The following ZNF804B variants were observed in gnomAD, a reference collection of about 807,000 sequenced individuals.
ZNF804B encodes zinc finger protein 804B.
In ZNF804B, 80 loss-of-function variants were observed where a neutral mutation model predicts 101.4. The observed-to-expected ratio is 0.79, with a 90% CI of 0.66 to 0.95. ZNF804B has a LOEUF of 0.95. Among genes scored for constraint, ZNF804B ranks in the 40% least tolerant of loss-of-function variants. The pLI, the probability that ZNF804B is intolerant of heterozygous loss-of-function variation, is 0.00. For missense variants in ZNF804B, 1,673 were observed against 1,561.9 expected (o/e 1.07, Z -1.20); for synonymous variants, 622 against 558.8 (o/e 1.11, Z -1.59).
chr7:88,991,627 C>T (rs1010544143), intron 1 of ZNF804B, among the ~76,000 whole-genome samples: 2 of 152,176 alleles, frequency 1.3e-5, no homozygotes, highest in African/African-American at 2.4e-5. Flanking sequence ...TACTCTCTGC[C>T]TGTGGGGTAG....
chr7:89,316,223 C>G (rs886700142), intron 2 of ZNF804B, among the ~76,000 whole-genome samples: 18 of 151,966 alleles, frequency 1.2e-4, no homozygotes, highest in Admixed American at 7.9e-4. Context: ...TGTGTTCTTC[C>G]TAACATTATG....
At chr7:88,778,072 A>G (rs1012629530) in intron 1 of ZNF804B, among the ~76,000 whole-genome samples, 1 of 152,140 alleles carries the variant, frequency 6.6e-6, no homozygotes, top group African/African-American at 2.4e-5. Flanking sequence ...TTATTTTGCC[A>G]TTCTGTGGGT....
At chr7:89,096,088 G>A in intron 1 of ZNF804B, among the ~76,000 whole-genome samples, 1 of 151,826 alleles carries the variant, frequency 6.6e-6, no homozygotes, top group East Asian at 1.9e-4. Context: ...CCAGGAGGCG[G>A]AGCTTGCAGT....
chr7:89,047,189 T>C (rs1485601980), intron 1 of ZNF804B, among the ~76,000 whole-genome samples: 1 of 152,154 alleles, frequency 6.6e-6, no homozygotes, highest in African/African-American at 2.4e-5. Flanking sequence ...GCAAACATCG[T>C]CATTGTAGTA....
chr7:89,212,314 T>C (rs1309904615), intron 1 of ZNF804B, among the ~76,000 whole-genome samples: 1 of 149,504 alleles, frequency 6.7e-6, no homozygotes, highest in African/African-American at 2.5e-5. Context: ...CATCCAAACA[T>C]TGAGTACCTA....
chr7:89,108,593 A>C (rs1790170081), intron 1 of ZNF804B, among the ~76,000 whole-genome samples: 1 of 152,182 alleles, frequency 6.6e-6, no homozygotes, highest in Non-Finnish European at 1.5e-5. Flanking sequence ...TACAGTAGCA[A>C]TGCAACACGT....
intron 1 of ZNF804B, among the ~76,000 whole-genome samples, chr7:88,933,439 C>A (rs1118616): frequency 0.27 from 40,939 of 151,434 alleles, 5,907 homozygotes; most frequent in South Asian, 0.38. Context: ...TCATAGGCAG[C>A]GCAATCAAAC....
intron 1 of ZNF804B, among the ~76,000 whole-genome samples, chr7:89,216,137 C>T (rs1788891616): frequency 1.3e-5 from 2 of 151,892 alleles, no homozygotes; most frequent in Non-Finnish European, 2.9e-5. Context: ...AACCCCGTCT[C>T]TACTAAAAAT....
intron 1 of ZNF804B, among the ~76,000 whole-genome samples, chr7:89,160,124 T>A (rs1046544519): frequency 6.6e-6 from 1 of 152,202 alleles, no homozygotes; most frequent in African/African-American, 2.4e-5. Context: ...TTGTTAAACA[T>A]ACTTCAGAGG....
chr7:88,841,070 AC>A (rs1791286182), intron 1 of ZNF804B, among the ~76,000 whole-genome samples: 1 of 152,194 alleles, frequency 6.6e-6, no homozygotes, highest in Admixed American at 6.6e-5. Context: ...TTAACTTCAC[AC>A]TTAGATAGGA....
intron 2 of ZNF804B, among the ~76,000 whole-genome samples, chr7:89,286,801 A>G (rs1790205511): frequency 6.6e-6 from 1 of 152,224 alleles, no homozygotes; most frequent in South Asian, 2.1e-4. Flanking sequence ...ACTAAAGAAA[A>G]TGGCAGAAAT....
intron 2 of ZNF804B, among the ~76,000 whole-genome samples, chr7:89,277,923 A>G (rs1166259784): frequency 1.3e-5 from 2 of 152,160 alleles, no homozygotes; most frequent in African/African-American, 4.8e-5. Flanking sequence ...AAGAGTCGCC[A>G]CACTGACTTC....
chr7:88,912,989 A>G (rs1361881418), intron 1 of ZNF804B, among the ~76,000 whole-genome samples: 1 of 152,210 alleles, frequency 6.6e-6, no homozygotes, highest in African/African-American at 2.4e-5. Flanking sequence ...TTGCATTTAG[A>G]TTGTTTTCGA....
intron 1 of ZNF804B, among the ~76,000 whole-genome samples, chr7:88,793,552 A>G (rs967654704): frequency 2.6e-5 from 4 of 152,114 alleles, no homozygotes; most frequent in African/African-American, 9.7e-5. Flanking sequence ...TCTTGATTAT[A>G]TAGGCCAGAA....
intron 1 of ZNF804B, among the ~76,000 whole-genome samples, chr7:88,773,803 G>A (rs550903359): frequency 6.6e-6 from 1 of 152,122 alleles, no homozygotes; most frequent in South Asian, 2.1e-4. Flanking sequence ...GGGCAAGAAA[G>A]GGGGGTGAGG....
chr7:89,058,419 A>G (rs562780121), intron 1 of ZNF804B, among the ~76,000 whole-genome samples: 8 of 152,150 alleles, frequency 5.3e-5, no homozygotes, highest in Non-Finnish European at 8.8e-5. Context: ...TCACTATAAA[A>G]AGATTAACAA....
At chr7:88,854,527 T>TTTCCTTCCTTCCTTCCTTCCTTCC (rs1207265464) in intron 1 of ZNF804B, among the ~76,000 whole-genome samples, 1 of 40,072 alleles carries the variant, frequency 2.5e-5, no homozygotes, top group Non-Finnish European at 4.6e-5. Context: ...CTTTCCTTCC[T>TTTCCTTCCTTCCTTCCTTCCTTCC]TTCCTTCCTT....
At chr7:89,058,535 C>G (rs2116277651) in intron 1 of ZNF804B, among the ~76,000 whole-genome samples, 1 of 152,110 alleles carries the variant, frequency 6.6e-6, no homozygotes, top group South Asian at 2.1e-4. Flanking sequence ...TATTTAGAAA[C>G]AAGCATTTTT....
At chr7:89,063,427 A>G (rs1234042884) in intron 1 of ZNF804B, among the ~76,000 whole-genome samples, 1 of 152,196 alleles carries the variant, frequency 6.6e-6, no homozygotes, top group Non-Finnish European at 1.5e-5. Flanking sequence ...TCAAATGTAA[A>G]TCAAACTGAT....
Sources: gnomAD v4.1 joint callset for allele counts (sites outside exome capture counted in the v4.1 genomes callset) on GRCh38, gnomAD v4.1.1 for gene constraint, MANE v1.5 for transcripts, NCBI Gene and HGNC (gene_info 2026-07-23, HGNC 2026-07-21) for gene names.